Variants in GRIK5 observed in about 807,000 individuals in gnomAD.
The protein encoded by GRIK5 is glutamate ionotropic receptor kainate type subunit 5, also known as glutamate receptor ionotropic, kainate 5.
In GRIK5, 43 loss-of-function variants were observed where a neutral mutation model predicts 97.4. The ratio of observed to expected loss-of-function variants is 0.44; its 90% CI spans 0.35 to 0.57. GRIK5 has a LOEUF of 0.57. GRIK5 is among the 20% of genes least tolerant of loss of function. The pLI is 0.01. For synonymous variants in GRIK5, 580 were observed against 583.5 expected (o/e 0.99, Z 0.09); for missense variants, 1,015 against 1,382.0 (o/e 0.73, Z 4.21).
rs2075407179 is a variant in GRIK5, at chr19:41,999,398, G to A, written c.2515-99C>T. ...ACTCCTCCTCCTCCTTTCCTCGCCCGGGTCTTTCTTCCTTCTGCCCTCGCT... is the reference window on the plus strand; with the variant it reads ...ACTCCTCCTCCTCCTTTCCTCGCCCAGGTCTTTCTTCCTTCTGCCCTCGCT... On this transcript the variant is annotated intron_variant, in intron 19 of 19. Transcript: ENST00000593562. This position sits in a 1 kb window ranked among gnomAD's most constrained non-coding sequence, Gnocchi z 5.0. 2.2e-6 allele frequency: 2 copies of A among 920,138 alleles called. No homozygotes were observed. Among genetic ancestry groups the A allele is most frequent in the Admixed American group, 3.3e-5 (1 of 30,100 alleles). The allele number at this position is 920,138 out of a possible 1,614,324, so 57.0% of individuals were successfully genotyped here.
intron 15 of GRIK5, among the ~76,000 whole-genome samples, chr19:42,012,314 G>C (rs1369744683): frequency 6.6e-6 from 1 of 152,022 alleles, no homozygotes; most frequent in Non-Finnish European, 1.5e-5. Context: ...GCAGTGGCAC[G>C]ATCTCAGCTT....
At chr19:42,029,466 G>A (rs1458689718) in intron 12 of GRIK5, among the ~76,000 whole-genome samples, 1 of 152,050 alleles carries the variant, frequency 6.6e-6, no homozygotes, top group Non-Finnish European at 1.5e-5. Flanking sequence ...AAATTAGCCA[G>A]GCTTGGTGGC....
At chr19:42,011,957 AAAAAG>A (rs906982827) in intron 15 of GRIK5, among the ~76,000 whole-genome samples, 7 of 152,168 alleles carry the variant, frequency 4.6e-5, no homozygotes, top group Non-Finnish European at 7.4e-5. Context: ...ACCCTGTCTC[AAAAAG>A]AAAAGAAAAG....
chr19:42,000,615 A>G (rs2075416058), intron 19 of GRIK5, among the ~76,000 whole-genome samples: 1 of 152,158 alleles, frequency 6.6e-6, no homozygotes, highest in South Asian at 2.1e-4. Flanking sequence ...GCTTCAGGGG[A>G]GACACATATT....
Position 42,056,833 on chromosome 19 carries a change from G to T in GRIK5, c.742-10C>A. On this transcript the variant is annotated splice_polypyrimidine_tract_variant and intron_variant, in intron 7 of 19. Transcript: ENST00000593562. ...GCAGGATGGGGAAGTCCTGGGACCA[G>T]GAAGAGGTGGTGAGGCCTGGGGCTA... 1 of 1,614,128 alleles carries T rather than the reference G, an allele frequency of 6.2e-7. No homozygotes were observed. The highest frequency in any genetic ancestry group is 8.5e-7 in the Non-Finnish European group (1 of 1,179,968).
At position 42,022,407 on chromosome 19, in the gene GRIK5, A is replaced by G. The variant is rs1384673531; in HGVS notation, c.1474-53T>C. On this transcript the variant is annotated intron_variant, in intron 12 of 19. Transcript: ENST00000593562. This position sits in a 1 kb window ranked among gnomAD's most constrained non-coding sequence, Gnocchi z 4.2. Reference sequence around the variant, plus strand: ...GGAGGGGGACAGAGGGGAAGACAGAAGTGGACAGTTAGAGAGAAATGCACG... The same window carrying G: ...GGAGGGGGACAGAGGGGAAGACAGAGGTGGACAGTTAGAGAGAAATGCACG... 1.9e-6 allele frequency: 3 copies of G among 1,548,412 alleles called. No individual in the cohort carries two copies. In the African/African-American group the frequency reaches 4.1e-5, roughly 21 times the overall value.
chr19:42,063,635 C>A, intron 3 of GRIK5: 1 of 261,600 alleles, frequency 3.8e-6, no homozygotes, highest in South Asian at 3.9e-5. Flanking sequence ...AAGCTTGGTG[C>A]TGCTGGGGCC....
In GRIK5 at chr19:42,021,848, G is replaced by T; in HGVS notation, c.1697+99C>A. 1.4e-6 allele frequency: 1 copy of T among 732,394 alleles called. No homozygotes were observed. The highest frequency in any genetic ancestry group is 1.7e-5 in the South Asian group (1 of 57,254). The allele number at this position is 732,394 out of a possible 1,614,324, so 45.4% of individuals were successfully genotyped here. On this transcript the variant is annotated intron_variant, in intron 14 of 19. Transcript: ENST00000593562. This position sits in a 1 kb window ranked among gnomAD's most constrained non-coding sequence, Gnocchi z 4.2. ...AGGGAATCCGAGGCCCCAAAGGGGA[G>T]GCCAAGGACAGTTCCGAGAGAGAAG...
In GRIK5 at chr19:42,003,538, C is replaced by CA. The variant is rs1599741074; in HGVS notation, c.2392+16dup. 2 of 1,607,514 alleles carry CA rather than the reference C, an allele frequency of 1.2e-6. No homozygotes were observed. Among genetic ancestry groups the CA allele is most frequent in the Middle Eastern group, 1.7e-4 (1 of 6,032 alleles). On this transcript the variant is annotated intron_variant, in intron 18 of 19. Transcript: ENST00000593562. The surrounding 1 kb of genome is among the most constrained non-coding windows in gnomAD (Gnocchi z 4.2). ...GGAGGGGGCTATGGGAAGGGGACAC[C>CA]ATACGCGGGAACTGACCTTTAGCTC...
At chr19:42,033,451 TA>T (rs1472505336) in intron 12 of GRIK5, among the ~76,000 whole-genome samples, 1 of 152,128 alleles carries the variant, frequency 6.6e-6, no homozygotes, top group Non-Finnish European at 1.5e-5. Context: ...TGATTCCATT[TA>T]TGTGAAATAT....
At chr19:42,059,938 C>G (rs957018445) in intron 5 of GRIK5, among the ~76,000 whole-genome samples, 2 of 152,070 alleles carry the variant, frequency 1.3e-5, no homozygotes, top group Non-Finnish European at 2.9e-5. Flanking sequence ...CCAAACACAT[C>G]AGATCCCCTC....
chr19:42,066,938 A>G (rs2076341991), intron 1 of GRIK5, among the ~76,000 whole-genome samples: 1 of 152,134 alleles, frequency 6.6e-6, no homozygotes, highest in African/African-American at 2.4e-5. Flanking sequence ...CCCCCACCCT[A>G]CTGGGGAGAA....
intron 15 of GRIK5, among the ~76,000 whole-genome samples, chr19:42,019,614 G>C (rs1568892901): frequency 6.6e-6 from 1 of 152,208 alleles, no homozygotes; most frequent in Non-Finnish European, 1.5e-5. Flanking sequence ...TCTGGATATG[G>C]GGGGATTACT....
At chr19:42,031,274 C>T (rs751271242) in intron 12 of GRIK5, among the ~76,000 whole-genome samples, 3 of 152,188 alleles carry the variant, frequency 2.0e-5, no homozygotes, top group Admixed American at 6.5e-5. Flanking sequence ...TCTTCCAAGC[C>T]GTTAATGGTG....
intron 8 of GRIK5, 123 bp downstream of exon 8, chr19:42,056,539 A>C: frequency 3.9e-6 from 3 of 771,808 alleles, no homozygotes; most frequent in Non-Finnish European, 6.4e-6. Context: ...TCACAAGGCC[A>C]CACCACGAGG....
At chr19:42,048,146 T>C (rs1020091566) in intron 11 of GRIK5, among the ~76,000 whole-genome samples, 3 of 152,118 alleles carry the variant, frequency 2.0e-5, no homozygotes, top group African/African-American at 4.8e-5. Flanking sequence ...ACGGAATTCT[T>C]AAATTCTAAA....
chr19:42,065,221 A>C lies in GRIK5; in HGVS notation c.244+2T>G. ...ACCCCACGCCCCCATGGCCCCGCTC[A>C]CTGGTGTCCGTGGTCTCGTACTGGC... is the stretch of plus-strand genomic sequence containing the variant. On this transcript the variant is annotated splice_donor_variant, in intron 3 of 19. Coordinates refer to ENST00000593562, the MANE Select transcript of GRIK5 (RefSeq NM_002088.5). LOFTEE classifies it high-confidence loss of function. The surrounding 1 kb of genome is among the most constrained non-coding windows in gnomAD (Gnocchi z 5.8). 6.2e-7 allele frequency: 1 copy of C among 1,608,000 alleles called. No homozygotes were observed. Among genetic ancestry groups the C allele is most frequent in the Non-Finnish European group, 8.5e-7 (1 of 1,176,250 alleles).
rs1019099022 is a variant in GRIK5, at chr19:42,003,977, G to A, written c.2264-294C>T. On this transcript the variant is annotated intron_variant, in intron 17 of 19. Coordinates refer to ENST00000593562, the MANE Select transcript of GRIK5 (RefSeq NM_002088.5). This position sits in a 1 kb window ranked among gnomAD's most constrained non-coding sequence, Gnocchi z 4.2. ...GACACCCTCACCCCCACGGCTCTCA[G>A]CTCCAGCCTCATCAGCCTCCTGGCT... Among the ~76,000 whole-genome samples, 2 of 152,126 alleles carry A rather than the reference G, an allele frequency of 1.3e-5. No homozygotes were observed. Among genetic ancestry groups the A allele is most frequent in the Non-Finnish European group, 2.9e-5 (2 of 68,022 alleles).
chr19:42,022,040 T>C lies in GRIK5; in HGVS notation c.1604A>G (p.Tyr535Cys), dbSNP rs745456769. Reference sequence around the variant, plus strand: ...GGAGAAGGGGTCCAGGAAGGAGAAGTAGCCAGGCTTGCGGCCCTGTGGGGA... The same window carrying C: ...GGAGAAGGGGTCCAGGAAGGAGAAGCAGCCAGGCTTGCGGCCCTGTGGGGA... ...YRVHMGRKPG[Y>C]FSFLDPFSPA... The change falls in exon 14 of 20, where the codon TAC becomes TGC. Residue 535 changes from tyrosine to cysteine, a missense_variant. Tyr to Cys is a radical substitution (Grantham distance 194). Around this residue, in one of 5 missense-constraint regions of GRIK5, gnomAD observed 477 missense variants for 701.1 expected, o/e 0.68. Transcript: ENST00000593562. The surrounding 1 kb of genome is among the most constrained non-coding windows in gnomAD (Gnocchi z 4.2). 2.5e-6 allele frequency: 4 copies of C among 1,612,794 alleles called. No homozygotes were observed. Among genetic ancestry groups the C allele is most frequent in the Non-Finnish European group, 3.4e-6 (4 of 1,179,130 alleles).
Sources: allele counts gnomAD v4.1 joint callset (sites outside exome capture counted in the v4.1 genomes callset), GRCh38; gene constraint gnomAD v4.1.1; regional missense constraint gnomAD v4.1.1; non-coding constraint Gnocchi (gnomAD v3.1); transcripts MANE v1.5; gene names NCBI Gene and HGNC (gene_info 2026-07-23, HGNC 2026-07-21).